Variants in NRXN3 observed in about 807,000 individuals in gnomAD.
NRXN3 encodes the protein neurexin 3, also known as neurexin III.
NRXN3 carries 32 observed loss-of-function variants against 137.6 expected under a neutral mutation model. That is an observed-to-expected ratio of 0.23 (90% CI 0.18 to 0.31). The LOEUF is 0.31. Ranked by LOEUF, NRXN3 falls within the 10% of genes least tolerant of loss-of-function variation. The pLI is 1.00. For synonymous variants in NRXN3, 798 were observed against 784.5 expected (o/e 1.02, Z -0.29); for missense variants, 1,574 against 2,062.5 (o/e 0.76, Z 4.59).
At chr14:79,588,373 A>G (rs1194412474) in intron 16 of NRXN3, among the ~76,000 whole-genome samples, 1 of 152,152 alleles carries the variant, frequency 6.6e-6, no homozygotes, top group African/African-American at 2.4e-5. Flanking sequence ...CTGCTTCATC[A>G]TTTTTTAGTC....
intron 16 of NRXN3, among the ~76,000 whole-genome samples, chr14:79,524,432 C>T (rs1458325108): frequency 1.3e-5 from 2 of 152,278 alleles, no homozygotes; most frequent in African/African-American, 4.8e-5. Context: ...ATGAAGACCT[C>T]CATTTTACAC....
intron 20 of NRXN3, among the ~76,000 whole-genome samples, chr14:79,834,407 C>T (rs544975532): frequency 6.6e-6 from 1 of 152,220 alleles, no homozygotes; most frequent in South Asian, 2.1e-4. Flanking sequence ...AGATCTGATT[C>T]TCCTGGAAGG....
chr14:78,238,344 C>A (rs554949443), intron 1 of NRXN3, among the ~76,000 whole-genome samples: 15 of 152,350 alleles, frequency 9.8e-5, no homozygotes, highest in African/African-American at 3.6e-4. Flanking sequence ...CCGGGCCCTG[C>A]ATGCAGGCTC....
At chr14:78,447,541 A>C (rs1051259581) in intron 4 of NRXN3, among the ~76,000 whole-genome samples, 1 of 152,232 alleles carries the variant, frequency 6.6e-6, no homozygotes, top group Admixed American at 6.5e-5. Flanking sequence ...GTGAGGGGCC[A>C]GCCCTTGTCT....
Position 78,363,487 on chromosome 14 carries a change from A to T in NRXN3, c.757+65627A>T, listed in dbSNP as rs922187048. On this transcript the variant is annotated intron_variant, in intron 4 of 20. Transcript: ENST00000335750. ...AATTATCATAAAGATGACACAAAGT[A>T]GCTATTATTATCCCCACTTTAGTTA... is the stretch of plus-strand genomic sequence containing the variant. 2.0e-5 allele frequency among the ~76,000 whole-genome samples: 3 copies of T among 152,242 alleles called. No individual in the cohort carries two copies. In the South Asian group the frequency reaches 6.2e-4, roughly 32 times the overall value.
chr14:78,202,482 C>A (rs1461714056), intron 1 of NRXN3, among the ~76,000 whole-genome samples: 1 of 152,142 alleles, frequency 6.6e-6, no homozygotes, highest in Non-Finnish European at 1.5e-5. Flanking sequence ...CCCTGAAGGT[C>A]ACCTGTCAGG....
At chr14:78,764,195 G>C (rs533442735) in intron 8 of NRXN3, among the ~76,000 whole-genome samples, 1 of 152,216 alleles carries the variant, frequency 6.6e-6, no homozygotes, top group Non-Finnish European at 1.5e-5. Context: ...AACTAGTTAA[G>C]AGTAGAGGGA....
intron 15 of NRXN3, among the ~76,000 whole-genome samples, chr14:79,416,263 T>A (rs533022067): frequency 6.6e-6 from 1 of 152,288 alleles, no homozygotes; most frequent in East Asian, 1.9e-4. Context: ...CTAATGTGGT[T>A]GATCAGCTTT....
intron 20 of NRXN3, among the ~76,000 whole-genome samples, chr14:79,824,427 C>T (rs760635084): frequency 1.6e-4 from 24 of 151,632 alleles, no homozygotes; most frequent in Non-Finnish European, 3.2e-4. Context: ...GTGCATCTTA[C>T]GACTATAGTC....
rs2099415992 is a variant in NRXN3, at chr14:79,863,280, T to A, written c.*1316T>A. On this transcript the variant is annotated 3_prime_UTR_variant, in exon 21 of 21. Transcript: ENST00000335750. ...AACAAATAAATGAATAAAGCTGCTGTGACACACACACAAAAGGAATTTAAT... is the reference window on the plus strand; with the variant it reads ...AACAAATAAATGAATAAAGCTGCTGAGACACACACACAAAAGGAATTTAAT... The A allele has an allele frequency of 6.6e-6, 1 of 151,542 alleles. No homozygotes were observed. Among genetic ancestry groups the A allele is most frequent in the Non-Finnish European group, 1.5e-5 (1 of 67,870 alleles). 9.4% of individuals were successfully genotyped at this position (151,542 alleles called of 1,614,324 possible).
chr14:79,711,160 C>A (rs2154051597), intron 19 of NRXN3, among the ~76,000 whole-genome samples: 1 of 152,262 alleles, frequency 6.6e-6, no homozygotes, highest in East Asian at 1.9e-4. Flanking sequence ...ATATTTCGGT[C>A]CTGGAGACTA....
intron 15 of NRXN3, among the ~76,000 whole-genome samples, chr14:79,286,744 T>C (rs1042222313): frequency 6.6e-6 from 1 of 151,966 alleles, no homozygotes; most frequent in African/African-American, 2.4e-5. Context: ...ACAACTATGG[T>C]TGGAGGAAAT....
At chr14:78,955,374 T>C (rs1251550761) in intron 10 of NRXN3, among the ~76,000 whole-genome samples, 1 of 152,216 alleles carries the variant, frequency 6.6e-6, no homozygotes, top group Admixed American at 6.5e-5. Flanking sequence ...AATAAGATAA[T>C]GAAGAGTAGT....
At chr14:79,291,599 G>A (rs2083212935) in intron 15 of NRXN3, among the ~76,000 whole-genome samples, 1 of 146,808 alleles carries the variant, frequency 6.8e-6, no homozygotes. Context: ...GGTAATATAA[G>A]GCACAATCAG....
intron 4 of NRXN3, among the ~76,000 whole-genome samples, chr14:78,524,215 A>G (rs1364366760): frequency 6.6e-6 from 1 of 152,026 alleles, no homozygotes; most frequent in African/African-American, 2.4e-5. Context: ...TCTTTACTGG[A>G]TAGTTTCGTA....
At chr14:79,383,690 C>A (rs1434063076) in intron 15 of NRXN3, among the ~76,000 whole-genome samples, 1 of 152,170 alleles carries the variant, frequency 6.6e-6, no homozygotes, top group African/African-American at 2.4e-5. Context: ...ACTGCTTTAA[C>A]TGTTCACCCC....
chr14:78,174,943 G>C (rs911103586), intron 1 of NRXN3, among the ~76,000 whole-genome samples: 1 of 152,186 alleles, frequency 6.6e-6, no homozygotes, highest in Admixed American at 6.5e-5. Flanking sequence ...GACAGAGCCT[G>C]GGGCTGAGCT....
chr14:78,438,724 C>T (rs1482002731), intron 4 of NRXN3, among the ~76,000 whole-genome samples: 1 of 152,064 alleles, frequency 6.6e-6, no homozygotes, highest in Non-Finnish European at 1.5e-5. Flanking sequence ...GGGACAATAA[C>T]ACTCGAGGGC....
rs573648904 is a variant in NRXN3 at position 79,291,315 on chromosome 14, T to G, written c.3263-175906T>G. Among the ~76,000 whole-genome samples, 8 of 152,268 alleles carry G rather than the reference T, an allele frequency of 5.3e-5. No homozygotes were observed. The East Asian group carries it at 1.6e-3, about 30-fold the overall frequency. On this transcript the variant is annotated intron_variant, in intron 15 of 20. Coordinates refer to ENST00000335750, the MANE Select transcript of NRXN3 (RefSeq NM_001330195.2). ...TTTTTGCCTTTCAATATGCCTGACA[T>G]TTCTATAAACGTTATAGTTCATTTA...
Sources: allele counts gnomAD v4.1 joint callset (sites outside exome capture counted in the v4.1 genomes callset), GRCh38; gene constraint gnomAD v4.1.1; transcripts MANE v1.5; gene names NCBI Gene and HGNC (gene_info 2026-07-23, HGNC 2026-07-21).